UNC13C: variants seen among roughly 807,000 people sequenced by gnomAD.
UNC13C encodes protein unc-13 homolog C.
A neutral mutation model predicts 245.4 loss-of-function variants in UNC13C; 174 were observed. That is an observed-to-expected ratio of 0.71 (90% confidence interval 0.63 to 0.80). UNC13C has a LOEUF of 0.80. Among genes scored for constraint, UNC13C ranks in the 30% least tolerant of loss-of-function variants. UNC13C has a pLI of 0.00. For missense variants in UNC13C, 2,829 were observed against 2,602.9 expected (o/e 1.09, Z -1.89); for synonymous variants, 992 against 895.1 (o/e 1.11, Z -1.93).
At chr15:54,087,658 G>A (rs919133627) in intron 2 of UNC13C, among the ~76,000 whole-genome samples, 1 of 152,088 alleles carries the variant, frequency 6.6e-6, no homozygotes, top group Non-Finnish European at 1.5e-5. Context: ...AACTACTCCA[G>A]TTACCACTGA....
chr15:54,625,693 C>T (rs1285732786), intron 32 of UNC13C, among the ~76,000 whole-genome samples: 19 of 152,046 alleles, frequency 1.2e-4, no homozygotes, highest in Admixed American at 1.2e-3. Context: ...CTGAATATTT[C>T]ACCCTCTTAT....
At chr15:54,178,543 G>GA (rs1007799802) in intron 4 of UNC13C, among the ~76,000 whole-genome samples, 65 of 152,218 alleles carry the variant, frequency 4.3e-4, no homozygotes, top group African/African-American at 1.3e-3. Context: ...CTGTGGAAAC[G>GA]AAAAGGATTA....
intron 17 of UNC13C, among the ~76,000 whole-genome samples, chr15:54,385,723 C>T (rs999255876): frequency 1.3e-5 from 2 of 151,756 alleles, no homozygotes; most frequent in African/African-American, 4.8e-5. Flanking sequence ...ATGATATCAA[C>T]AAATAAAAAT....
chr15:54,112,325 G>A (rs1356986574), intron 2 of UNC13C, among the ~76,000 whole-genome samples: 1 of 152,186 alleles, frequency 6.6e-6, no homozygotes, highest in Non-Finnish European at 1.5e-5. Flanking sequence ...GGGCTCCTGA[G>A]TGGGTCTTCC....
intron 16 of UNC13C, 111 bp downstream of exon 16, chr15:54,333,967 A>T: frequency 8.3e-6 from 6 of 721,518 alleles, no homozygotes; most frequent in Non-Finnish European, 1.4e-5. Flanking sequence ...AACTCCATCG[A>T]TTAAGCTGTA....
intron 29 of UNC13C, 41 bp from the exon 30 acceptor site, chr15:54,567,759 C>T: frequency 6.6e-7 from 1 of 1,522,028 alleles, no homozygotes; most frequent in Non-Finnish European, 8.8e-7. Flanking sequence ...TCTTCCAATA[C>T]TTCTCTCTAA....
chr15:54,356,680 A>C (rs2039102242), intron 17 of UNC13C, among the ~76,000 whole-genome samples: 2 of 152,182 alleles, frequency 1.3e-5, no homozygotes, highest in Non-Finnish European at 2.9e-5. Context: ...ATAATTCCCC[A>C]AAAATTCCCA....
At chr15:54,105,333 C>T (rs1900385822) in intron 2 of UNC13C, among the ~76,000 whole-genome samples, 1 of 152,126 alleles carries the variant, frequency 6.6e-6, no homozygotes, top group African/African-American at 2.4e-5. Context: ...CTCTTGCTTT[C>T]AGCTCCTTTC....
intron 2 of UNC13C, among the ~76,000 whole-genome samples, chr15:54,086,970 A>G (rs1899280468): frequency 6.6e-6 from 1 of 151,702 alleles, no homozygotes; most frequent in Admixed American, 6.6e-5. Context: ...TCCTGACCTC[A>G]TGATCCACCC....
At chr15:54,151,728 T>C (rs1206691242) in intron 4 of UNC13C, among the ~76,000 whole-genome samples, 1 of 152,096 alleles carries the variant, frequency 6.6e-6, no homozygotes, top group African/African-American at 2.4e-5. Context: ...CAAGATCCCT[T>C]TCAAGCCACG....
chr15:54,626,163 A>ACTTAGC (rs1566947097), intron 32 of UNC13C, among the ~76,000 whole-genome samples: 1 of 151,152 alleles, frequency 6.6e-6, no homozygotes, highest in East Asian at 2.0e-4. Flanking sequence ...CCATATCACC[A>ACTTAGC]CTTGGCCTTC....
At chr15:54,575,546 A>T (rs1033202284) in intron 30 of UNC13C, among the ~76,000 whole-genome samples, 4 of 151,996 alleles carry the variant, frequency 2.6e-5, no homozygotes, top group African/African-American at 9.7e-5. Flanking sequence ...TTTCATTGGC[A>T]GAAAAACTGT....
At chr15:53,950,538 A>G in the UNC13C span, among the ~76,000 whole-genome samples, 3,954 of 152,172 alleles carry the variant, frequency 0.026, 82 homozygotes, top group Middle Eastern at 0.068. Context: ...CTCATCTCTA[A>G]CAACAGAATA....
intron 17 of UNC13C, among the ~76,000 whole-genome samples, chr15:54,388,811 T>A (rs561905850): frequency 6.6e-6 from 1 of 152,300 alleles, no homozygotes; most frequent in South Asian, 2.1e-4. Flanking sequence ...TAATTTCGGC[T>A]GCCACATATA....
chr15:54,321,925 T>G lies in UNC13C; in HGVS notation c.4269-14T>G. On this transcript the variant is annotated splice_polypyrimidine_tract_variant and intron_variant, in intron 13 of 32. Transcript: ENST00000260323. ...TTTCTGTCTTAAAAACACTTTATGT[T>G]TTTTGTCTTTCAGGCACTTTTCATG... 1 of 1,552,548 alleles carries G rather than the reference T, an allele frequency of 6.4e-7. No homozygotes were observed. Among genetic ancestry groups the G allele is most frequent in the Non-Finnish European group, 8.7e-7 (1 of 1,148,370 alleles).
Position 54,097,635 on chromosome 15 carries a change from A to G in UNC13C, c.2984-45383A>G, listed in dbSNP as rs1899939670. On this transcript the variant is annotated intron_variant, in intron 2 of 32. Transcript: ENST00000260323. ...CTTAATTATCTTTGTAGCAACTTCT[A>G]GGAGTGGATCCAGAAGGAGTTGTGA... is the stretch of plus-strand genomic sequence containing the variant. 2.6e-5 allele frequency among the ~76,000 whole-genome samples: 4 copies of G among 152,214 alleles called. No individual in the cohort carries two copies. In the South Asian group the frequency reaches 8.3e-4, roughly 32 times the overall value.
In UNC13C at chr15:54,623,860, A is replaced by C; in HGVS notation, c.6265A>C (p.Ile2089Leu). 6.2e-7 allele frequency: 1 copy of C among 1,613,302 alleles called. No individual in the cohort carries two copies. The highest frequency in any genetic ancestry group is 8.5e-7 in the Non-Finnish European group (1 of 1,179,496). ...GTTCCGCCCCTTTGTGGAAGTTTGT[A>C]TACTGGGACCCAACCTTGGAGACAA... ...AMFRPFVEVC[I>L]LGPNLGDKKR... The change falls in exon 32 of 33, where the codon ATA (isoleucine) becomes CTA (leucine). Residue 2089 changes from isoleucine (I) to leucine (L), a missense_variant. Physicochemically the swap from Ile to Leu is conservative, Grantham distance 5. Transcript: ENST00000260323.
rs144287454 is a variant in UNC13C, at chr15:54,396,456, G to T, written c.4847+3275G>T. Among the ~76,000 whole-genome samples, 919 of 151,534 alleles carry T rather than the reference G, an allele frequency of 6.1e-3. 13 individuals carry two copies. Among genetic ancestry groups the T allele is most frequent in the African/African-American group, 0.021 (881 of 41,416 alleles). On this transcript the variant is annotated intron_variant, in intron 18 of 32. Transcript: ENST00000260323. The stretch of plus-strand genomic sequence containing the variant: ...TATTTTGAGTTTCACCCATGTTATT[G>T]TATGTTTCTTTTTATTTTTGAGTAG...
chr15:54,088,607 C>T (rs1474834608), intron 2 of UNC13C, among the ~76,000 whole-genome samples: 1 of 152,122 alleles, frequency 6.6e-6, no homozygotes, highest in Non-Finnish European at 1.5e-5. Flanking sequence ...TGGACTGTAG[C>T]TCTGATCAGA....
Sources: allele counts gnomAD v4.1 joint callset (sites outside exome capture counted in the v4.1 genomes callset), GRCh38; gene constraint gnomAD v4.1.1; transcripts MANE v1.5; gene names NCBI Gene and HGNC (gene_info 2026-07-23, HGNC 2026-07-21).